Variants in WDR19 observed in about 807,000 individuals in gnomAD.
WDR19 encodes WD repeat domain 19.
In WDR19, 121 loss-of-function variants were observed where a neutral mutation model predicts 180.0. The observed-to-expected ratio is 0.67, with a 90% confidence interval of 0.58 to 0.78. The LOEUF is 0.78. Among genes scored for constraint, WDR19 ranks in the 30% least tolerant of loss-of-function variants. The pLI is 0.00. For synonymous variants in WDR19, 497 were observed against 540.7 expected, an observed-to-expected ratio of 0.92 and a Z score of 1.12; for missense variants, 1,450 against 1,640.7, an observed-to-expected ratio of 0.88 and a Z score of 2.01.
rs1317389016 is a variant in WDR19 at position 39,194,545 on chromosome 4, G to T, written c.292G>T (p.Asp98Tyr). ...GTAATTTATATCTTAATGTTACAGGGATCAAATGTCTTTCCTTCTTTGGTC... is the reference window on the plus strand; with the variant it reads ...GTAATTTATATCTTAATGTTACAGGTATCAAATGTCTTTCCTTCTTTGGTC... ...KTSQLDNGMR[D>Y]QMSFLLWSKV... Residue 98 changes from aspartate to tyrosine, a missense_variant and splice_region_variant, in exon 5 of 37, where the codon GAT becomes TAT. Transcript: ENST00000399820. 5.0e-6 allele frequency: 8 copies of T among 1,602,246 alleles called. No individual in the cohort carries two copies. The highest frequency in any genetic ancestry group is 5.1e-6 in the Non-Finnish European group (6 of 1,170,682).
intron 28 of WDR19, among the ~76,000 whole-genome samples, chr4:39,261,238 C>T (rs1357471236): frequency 6.6e-6 from 1 of 151,566 alleles, no homozygotes; most frequent in African/African-American, 2.4e-5. Flanking sequence ...GTGATCCACC[C>T]ACCTTGGCCT....
chr4:39,281,236 T>TATAGAGAGAG (rs762298152), intron 36 of WDR19, among the ~76,000 whole-genome samples: 90 of 104,012 alleles, frequency 8.7e-4, no homozygotes, highest in African/African-American at 3.4e-3. Flanking sequence ...TATATATATA[T>TATAGAGAGAG]AGAGAGAGAG....
intron 13 of WDR19, 29 bp from the exon 14 acceptor site, chr4:39,217,954 G>A (rs757519351): frequency 6.2e-7 from 1 of 1,610,922 alleles, no homozygotes; most frequent in Admixed American, 1.7e-5. Flanking sequence ...AAATAAATCT[G>A]TGAGCCATTA....
chr4:39,272,541 C>A (rs866190198), intron 31 of WDR19, among the ~76,000 whole-genome samples: 1 of 152,214 alleles, frequency 6.6e-6, no homozygotes, highest in African/African-American at 2.4e-5. Flanking sequence ...GTCACTGACC[C>A]TCCTGGTCCT....
chr4:39,194,880 G>T, intron 5 of WDR19: 2 of 475,410 alleles, frequency 4.2e-6, no homozygotes, highest in Non-Finnish European at 7.5e-6. Flanking sequence ...TTAAAGTCAG[G>T]CTGTGCCTTT....
intron 21 of WDR19, among the ~76,000 whole-genome samples, chr4:39,241,741 G>A (rs546930241): frequency 6.7e-6 from 1 of 150,274 alleles, no homozygotes; most frequent in East Asian, 2.0e-4. Flanking sequence ...GTTGTAGTGA[G>A]CTGAGATCAC....
At chr4:39,206,885 G>A (rs901493449) in intron 9 of WDR19, among the ~76,000 whole-genome samples, 5 of 152,166 alleles carry the variant, frequency 3.3e-5, no homozygotes, top group African/African-American at 4.8e-5. Flanking sequence ...CAGGTTGATG[G>A]CCTGCTGAAA....
chr4:39,232,188 A>G lies in WDR19; in HGVS notation c.2169A>G (p.Ala723=). The G allele has an allele frequency of 6.2e-7, 1 of 1,613,560 alleles. No homozygotes were observed. Among genetic ancestry groups the G allele is most frequent in the African/African-American group, 1.3e-5 (1 of 74,918 alleles). Residue 723 remains alanine, a synonymous_variant, in exon 19 of 37, where the codon GCA becomes GCG. Coordinates refer to ENST00000399820, the MANE Select transcript of WDR19 (RefSeq NM_025132.4). ...IKGIEDYNLL[A]GHLAMFTNDY... ...GAATAGAGGACTACAATCTTTTGGC[A>G]GGACACCTTGCCATGTTTACCAACG...
At chr4:39,268,485 C>T (rs1305178157) in intron 30 of WDR19, among the ~76,000 whole-genome samples, 1 of 152,148 alleles carries the variant, frequency 6.6e-6, no homozygotes, top group Non-Finnish European at 1.5e-5. Context: ...TGATGCGGTG[C>T]TGTTACAGAC....
chr4:39,257,849 T>C (rs1245729413), intron 28 of WDR19, among the ~76,000 whole-genome samples: 1 of 152,108 alleles, frequency 6.6e-6, no homozygotes, highest in Non-Finnish European at 1.5e-5. Flanking sequence ...GTAACTTGCA[T>C]ACAGTAAAGT....
Position 39,186,515 on chromosome 4 carries a change from T to C in WDR19, c.99-24T>C, listed in dbSNP as rs143392318. On this transcript the variant is annotated intron_variant, in intron 2 of 36. Coordinates refer to ENST00000399820, the MANE Select transcript of WDR19 (RefSeq NM_025132.4). ...AAAAAAAAAAAAAAAGTAAATCATA[T>C]CTTTATGTTCTGATTGCTTTCAGAG... The C allele has an allele frequency of 7.8e-3, 7,431 of 957,034 alleles. 31 individuals are homozygous for C. The highest frequency in any genetic ancestry group is 0.01 in the Non-Finnish European group (6,537 of 650,614). The allele number at this position is 957,034 out of a possible 1,614,324, so 59.3% of individuals were successfully genotyped here. A position where few individuals can be genotyped will look rare whatever the true frequency, so the allele number is the denominator to read the frequency against.
chr4:39,260,950 G>T (rs751596892), intron 28 of WDR19, among the ~76,000 whole-genome samples: 42 of 152,088 alleles, frequency 2.8e-4, no homozygotes, highest in South Asian at 4.1e-4. Flanking sequence ...GAATTTGGGG[G>T]ATGTAGGGGG....
intron 28 of WDR19, among the ~76,000 whole-genome samples, chr4:39,264,381 G>A (rs1202047621): frequency 2.6e-5 from 4 of 152,214 alleles, no homozygotes; most frequent in East Asian, 1.9e-4. Flanking sequence ...AAGAGCAGAG[G>A]TGACACAGAT....
At chr4:39,283,684 TAAAGG>T (rs2109544382) in intron 36 of WDR19, among the ~76,000 whole-genome samples, 1 of 152,300 alleles carries the variant, frequency 6.6e-6, no homozygotes, top group South Asian at 2.1e-4. Context: ...TGTGTCTTTT[TAAAGG>T]AAATTATAAA....
At position 39,185,779 on chromosome 4, in the gene WDR19, C is replaced by T. The variant is rs777240456; in HGVS notation, c.60C>T (p.Ala20=). The T allele has an allele frequency of 6.4e-7, 1 of 1,558,270 alleles. No individual in the cohort carries two copies. The highest frequency in any genetic ancestry group is 1.9e-5 in the Admixed American group (1 of 51,994). Residue 20 remains alanine, a synonymous_variant, in exon 2 of 37, where the codon GCC becomes GCT. Coordinates refer to ENST00000399820, the MANE Select transcript of WDR19 (RefSeq NM_025132.4). ...KTWLGAPIQF[A]WQKTSGNYLA... ...GGCTTGGCGCACCAATACAGTTTGC[C>T]TGGCAAAAAACATCAGGAAACTACC...
At chr4:39,242,302 G>C (rs970817157) in intron 21 of WDR19, among the ~76,000 whole-genome samples, 1 of 151,726 alleles carries the variant, frequency 6.6e-6, no homozygotes, top group Non-Finnish European at 1.5e-5. Context: ...TCTTTCCCAG[G>C]CTGGAATGTA....
chr4:39,233,914 G>T (rs1340715340), intron 19 of WDR19, among the ~76,000 whole-genome samples: 1 of 152,170 alleles, frequency 6.6e-6, no homozygotes, highest in Non-Finnish European at 1.5e-5. Context: ...ATGGAGAGGG[G>T]TGATTACTCT....
chr4:39,189,291 A>G (rs1725904312), intron 3 of WDR19, among the ~76,000 whole-genome samples: 1 of 152,190 alleles, frequency 6.6e-6, no homozygotes, highest in Admixed American at 6.5e-5. Context: ...AAAGTTGATC[A>G]TACAAATTAT....
intron 9 of WDR19, among the ~76,000 whole-genome samples, chr4:39,211,889 T>G (rs961753759): frequency 1.3e-5 from 2 of 151,634 alleles, no homozygotes; most frequent in Non-Finnish European, 2.9e-5. Context: ...CCAGCATGCT[T>G]CTTTGTAGGC....
Sources: allele counts gnomAD v4.1 joint callset (sites outside exome capture counted in the v4.1 genomes callset), GRCh38; gene constraint gnomAD v4.1.1; transcripts MANE v1.5; gene names NCBI Gene and HGNC (gene_info 2026-07-23, HGNC 2026-07-21).